RPS6KC1: variants seen among roughly 807,000 people sequenced by gnomAD.
The protein encoded by RPS6KC1 is ribosomal protein S6 kinase C1, also known as inactive ribosomal protein S6 kinase delta-1.
Under a neutral mutation model 103.8 loss-of-function variants are expected in RPS6KC1, and 54 were observed. The observed-to-expected ratio is 0.52, with a 90% CI of 0.42 to 0.65. The LOEUF is 0.65. Ranked by LOEUF, RPS6KC1 falls within the 30% of genes least tolerant of loss-of-function variation. The pLI, the probability that RPS6KC1 is intolerant of heterozygous loss-of-function variation, is 0.00. For synonymous variants in RPS6KC1, 439 were observed against 438.7 expected (o/e 1.00, Z -0.01); for missense variants, 1,151 against 1,253.8 (o/e 0.92, Z 1.24).
the RPS6KC1 span, among the ~76,000 whole-genome samples, chr1:213,719,557 G>GT: frequency 0.33 from 38,826 of 117,168 alleles, 6,179 homozygotes; most frequent in East Asian, 0.56. Context: ...TTCTTAGTTC[G>GT]TTTTTTTTAA....
the RPS6KC1 span, among the ~76,000 whole-genome samples, chr1:213,764,852 G>A: frequency 0.019 from 2,933 of 152,240 alleles, 250 homozygotes; most frequent in East Asian, 0.28. Context: ...TCTTTCTCCA[G>A]TCTTGGTCAA....
the RPS6KC1 span, among the ~76,000 whole-genome samples, chr1:213,798,332 G>T: frequency 6.6e-6 from 1 of 152,228 alleles, no homozygotes; most frequent in Non-Finnish European, 1.5e-5. Context: ...CCAAGTGGGA[G>T]CTTATTCCAC....
At chr1:213,858,154 A>G in the RPS6KC1 span, among the ~76,000 whole-genome samples, 1 of 152,202 alleles carries the variant, frequency 6.6e-6, no homozygotes, top group African/African-American at 2.4e-5. Context: ...ATTGTAATAA[A>G]TAATAAAAAC....
the RPS6KC1 span, among the ~76,000 whole-genome samples, chr1:213,815,338 A>G: frequency 1.5e-4 from 23 of 152,216 alleles, no homozygotes; most frequent in Admixed American, 1.3e-3. Flanking sequence ...CCTGTTGAGC[A>G]TAGTTAATAA....
At chr1:213,635,059 A>G in the RPS6KC1 span, among the ~76,000 whole-genome samples, 10 of 152,228 alleles carry the variant, frequency 6.6e-5, no homozygotes, top group East Asian at 1.9e-3. Context: ...ACACCCTCCC[A>G]AAACTAACCC....
At chr1:213,792,890 C>A in the RPS6KC1 span, among the ~76,000 whole-genome samples, 6 of 151,910 alleles carry the variant, frequency 3.9e-5, no homozygotes, top group African/African-American at 1.5e-4. Flanking sequence ...TCAGCACTCC[C>A]GATATTTTTG....
At chr1:213,388,749 A>G in the RPS6KC1 span, among the ~76,000 whole-genome samples, 5 of 152,176 alleles carry the variant, frequency 3.3e-5, no homozygotes, top group African/African-American at 1.2e-4. Context: ...TCACCCTGGG[A>G]GTCACTTCCC....
the RPS6KC1 span, among the ~76,000 whole-genome samples, chr1:213,671,825 A>G: frequency 6.6e-6 from 1 of 152,152 alleles, no homozygotes. Flanking sequence ...CAAAGAAATG[A>G]TAACTATTCA....
intron 8 of RPS6KC1, among the ~76,000 whole-genome samples, chr1:213,218,410 A>G (rs1016247398): frequency 6.6e-6 from 1 of 152,174 alleles, no homozygotes; most frequent in African/African-American, 2.4e-5. Context: ...GCTCATGGGT[A>G]GGAAGAATCA....
the RPS6KC1 span, among the ~76,000 whole-genome samples, chr1:213,698,663 A>G: frequency 1.3e-5 from 2 of 152,074 alleles, no homozygotes; most frequent in Admixed American, 6.5e-5. Flanking sequence ...ATATATATTC[A>G]AGTTTTTCTT....
chr1:213,370,731 G>A, the RPS6KC1 span, among the ~76,000 whole-genome samples: 2 of 152,196 alleles, frequency 1.3e-5, no homozygotes, highest in South Asian at 2.1e-4. Context: ...TGCTGCTAGC[G>A]CGAGTTGGAG....
the RPS6KC1 span, among the ~76,000 whole-genome samples, chr1:213,290,869 G>A: frequency 3.9e-5 from 6 of 152,146 alleles, no homozygotes; most frequent in African/African-American, 1.2e-4. Context: ...TACTTATCCT[G>A]TTAGGCAGCG....
the RPS6KC1 span, among the ~76,000 whole-genome samples, chr1:213,596,587 G>T: frequency 6.6e-6 from 1 of 152,236 alleles, no homozygotes; most frequent in Non-Finnish European, 1.5e-5. Flanking sequence ...ACCCTGCTGC[G>T]CAGTAAGTGG....
At chr1:213,245,540 C>T (rs745322097) in intron 12 of RPS6KC1, among the ~76,000 whole-genome samples, 1 of 152,184 alleles carries the variant, frequency 6.6e-6, no homozygotes, top group Non-Finnish European at 1.5e-5. Flanking sequence ...CACTTCACCT[C>T]CTGGGAATCC....
At chr1:213,695,270 A>G in the RPS6KC1 span, among the ~76,000 whole-genome samples, 4 of 152,380 alleles carry the variant, frequency 2.6e-5, no homozygotes, top group African/African-American at 4.8e-5. Context: ...ACAGTGTTCA[A>G]TGATGCCTTA....
At chr1:213,074,291 A>C (rs1329078338) in intron 2 of RPS6KC1, among the ~76,000 whole-genome samples, 1 of 152,218 alleles carries the variant, frequency 6.6e-6, no homozygotes, top group East Asian at 1.9e-4. Context: ...TATGGTTGTC[A>C]CTGAATTAAT....
the RPS6KC1 span, among the ~76,000 whole-genome samples, chr1:213,755,586 G>T: frequency 2.6e-5 from 4 of 152,222 alleles, no homozygotes; most frequent in Non-Finnish European, 4.4e-5. Flanking sequence ...GGTCTCTGTA[G>T]TGGCAGCTGG....
chr1:213,385,747 G>A, the RPS6KC1 span, among the ~76,000 whole-genome samples: 2 of 152,140 alleles, frequency 1.3e-5, no homozygotes, highest in Admixed American at 1.3e-4. Flanking sequence ...ACAATTTGGG[G>A]AATTTTCCTG....
At chr1:213,383,317 T>A in the RPS6KC1 span, among the ~76,000 whole-genome samples, 1 of 152,174 alleles carries the variant, frequency 6.6e-6, no homozygotes, top group African/African-American at 2.4e-5. Flanking sequence ...AGAGGGGCAT[T>A]TCCTTGGAGC....
Sources: allele counts gnomAD v4.1 joint callset (sites outside exome capture counted in the v4.1 genomes callset), GRCh38; gene constraint gnomAD v4.1.1; transcripts MANE v1.5; gene names NCBI Gene and HGNC (gene_info 2026-07-23, HGNC 2026-07-21).